Variants in SLC8A3 observed in about 807,000 individuals in gnomAD.
The protein encoded by SLC8A3 is sodium/calcium exchanger 3.
SLC8A3 carries 37 observed loss-of-function variants against 65.4 expected under a neutral mutation model. The observed-to-expected ratio is 0.57, with a 90% CI of 0.44 to 0.74. The LOEUF (loss-of-function observed/expected upper bound fraction) is 0.74, where lower values mean the gene tolerates loss of function less well. SLC8A3 is among the 30% of genes least tolerant of loss of function. SLC8A3 has a pLI of 0.00. For missense variants in SLC8A3, 1,112 were observed against 1,172.1 expected (o/e 0.95, Z 0.75); for synonymous variants, 461 against 444.5 (o/e 1.04, Z -0.47).
intron 2 of SLC8A3, among the ~76,000 whole-genome samples, chr14:70,061,979 G>T (rs973844884): frequency 6.6e-6 from 1 of 152,146 alleles, no homozygotes. Context: ...CATGTGGAGA[G>T]GTTGCCGTGT....
rs1425093342 is a variant in SLC8A3, at chr14:70,166,979, C to G, written c.1444G>C (p.Val482Leu). The change falls in exon 2 of 7, where the codon GTA (valine) becomes CTA (leucine). Residue 482 changes from valine (V) to leucine (L), a missense_variant. Val to Leu is a conservative substitution (Grantham distance 32, BLOSUM62 1). Transcript: ENST00000356921. Reference protein sequence around the residue: ...DIFEEDEHFFVRLSNVRIEEE... With the variant: ...DIFEEDEHFFLRLSNVRIEEE... ...TCTATGCGGACATTGCTCAACCTTA[C>G]AAAGAAGTGTTCATCCTCCTCAAAA... 1 of 1,614,150 alleles carries G rather than the reference C, an allele frequency of 6.2e-7. No homozygotes were observed. The highest frequency in any genetic ancestry group is 8.5e-7 in the Non-Finnish European group (1 of 1,180,012).
At chr14:70,153,182 C>T (rs1896376535) in intron 2 of SLC8A3, among the ~76,000 whole-genome samples, 1 of 152,164 alleles carries the variant, frequency 6.6e-6, no homozygotes, top group Non-Finnish European at 1.5e-5. Context: ...CTTGCTGCAA[C>T]CTGGTGTGGC....
chr14:70,160,577 G>C (rs1169411184), intron 2 of SLC8A3, among the ~76,000 whole-genome samples: 1 of 152,150 alleles, frequency 6.6e-6, no homozygotes, highest in East Asian at 1.9e-4. Flanking sequence ...TGGATATTGA[G>C]GAATTATTAT....
intron 2 of SLC8A3, among the ~76,000 whole-genome samples, chr14:70,114,563 G>A (rs1431781139): frequency 6.6e-6 from 1 of 152,140 alleles, no homozygotes; most frequent in African/African-American, 2.4e-5. Flanking sequence ...ATTGTTGGAG[G>A]TTGGTTTCAA....
chr14:70,067,528 C>T (rs144727396), intron 2 of SLC8A3, among the ~76,000 whole-genome samples: 145 of 152,358 alleles, frequency 9.5e-4, no homozygotes, highest in African/African-American at 3.4e-3. Flanking sequence ...GCCTGGCATA[C>T]AGAACGCCCT....
chr14:70,101,987 T>A (rs1476833315), intron 2 of SLC8A3, among the ~76,000 whole-genome samples: 1 of 152,202 alleles, frequency 6.6e-6, no homozygotes, highest in East Asian at 1.9e-4. Flanking sequence ...TTTAGCTTCC[T>A]AAACATCAAA....
intron 3 of SLC8A3, among the ~76,000 whole-genome samples, chr14:70,055,160 T>C (rs567340677): frequency 3.3e-4 from 51 of 152,278 alleles, no homozygotes; most frequent in Middle Eastern, 3.4e-3. Flanking sequence ...CTCTAAAATT[T>C]ATATTTCCAG....
At chr14:70,069,389 A>G (rs1433788913) in intron 2 of SLC8A3, among the ~76,000 whole-genome samples, 1 of 152,128 alleles carries the variant, frequency 6.6e-6, no homozygotes, top group Non-Finnish European at 1.5e-5. Context: ...TTCCTACTGA[A>G]TGACTCTTTA....
At chr14:70,113,684 A>G (rs768416288) in intron 2 of SLC8A3, among the ~76,000 whole-genome samples, 1 of 152,214 alleles carries the variant, frequency 6.6e-6, no homozygotes, top group East Asian at 1.9e-4. Flanking sequence ...GAGATTAAAA[A>G]TGAGGTGAAT....
chr14:70,094,707 T>C (rs1002903155), intron 2 of SLC8A3, among the ~76,000 whole-genome samples: 2 of 152,184 alleles, frequency 1.3e-5, no homozygotes, highest in Admixed American at 6.5e-5. Flanking sequence ...CTGCTGTTGA[T>C]GGGGAGGAGG....
At chr14:70,143,761 G>A (rs1004644632) in intron 2 of SLC8A3, among the ~76,000 whole-genome samples, 1 of 151,952 alleles carries the variant, frequency 6.6e-6, no homozygotes, top group African/African-American at 2.4e-5. Flanking sequence ...TGCTGGTTTT[G>A]GTGCTTCTGT....
At chr14:70,174,684 T>G (rs1199546720) in intron 1 of SLC8A3, among the ~76,000 whole-genome samples, 3 of 128,670 alleles carry the variant, frequency 2.3e-5, no homozygotes, top group Non-Finnish European at 5.2e-5. Flanking sequence ...TTTTTTTTTT[T>G]TTTTTTGCCT....
At chr14:70,131,183 A>T (rs980391534) in intron 2 of SLC8A3, among the ~76,000 whole-genome samples, 1 of 152,208 alleles carries the variant, frequency 6.6e-6, no homozygotes, top group Non-Finnish European at 1.5e-5. Context: ...TCAACACAGA[A>T]GAGAAGCCTT....
Position 70,168,166 on chromosome 14 carries a change from T to A in SLC8A3, c.257A>T (p.Tyr86Phe). ...AATGATGGACACCCCAAGGAACATG[T>A]ATATCAGGGCCACAAAATAGACAAT... ...RVIVYFVALI[Y>F]MFLGVSIIAD... Residue 86 changes from tyrosine (Y) to phenylalanine (F), a missense_variant, in exon 2 of 7, where the codon TAC (tyrosine) becomes TTC (phenylalanine). Transcript: ENST00000356921. 1 of 1,614,052 alleles carries A rather than the reference T, an allele frequency of 6.2e-7. No homozygotes were observed. The highest frequency in any genetic ancestry group is 1.1e-5 in the South Asian group (1 of 91,062).
chr14:70,157,751 C>A (rs1354379686), intron 2 of SLC8A3, among the ~76,000 whole-genome samples: 2 of 152,202 alleles, frequency 1.3e-5, no homozygotes, highest in Non-Finnish European at 2.9e-5. Context: ...TGCATCCTTA[C>A]AATTAAACCC....
intron 2 of SLC8A3, among the ~76,000 whole-genome samples, chr14:70,094,827 G>A (rs1296318331): frequency 6.6e-6 from 1 of 152,230 alleles, no homozygotes; most frequent in Admixed American, 6.5e-5. Flanking sequence ...TGTTTTCAAA[G>A]CACTTTCTCT....
At chr14:70,174,674 T>TG (rs1897780112) in intron 1 of SLC8A3, among the ~76,000 whole-genome samples, 1 of 135,784 alleles carries the variant, frequency 7.4e-6, no homozygotes. Context: ...TTTTTTTTTT[T>TG]TTTTTTTTTT....
At chr14:70,086,211 T>A (rs1891420979) in intron 2 of SLC8A3, among the ~76,000 whole-genome samples, 1 of 152,152 alleles carries the variant, frequency 6.6e-6, no homozygotes, top group South Asian at 2.1e-4. Context: ...GTACTAGCAT[T>A]ATCTTCATTT....
At chr14:70,128,104 C>G (rs1050462718) in intron 2 of SLC8A3, among the ~76,000 whole-genome samples, 1 of 152,190 alleles carries the variant, frequency 6.6e-6, no homozygotes, top group Non-Finnish European at 1.5e-5. Context: ...TACTTAAGGG[C>G]AATCCTATAC....
Sources: allele counts gnomAD v4.1 joint callset (sites outside exome capture counted in the v4.1 genomes callset), GRCh38; gene constraint gnomAD v4.1.1; transcripts MANE v1.5; gene names NCBI Gene and HGNC (gene_info 2026-07-23, HGNC 2026-07-21).